LEPR: variants seen among roughly 807,000 people sequenced by gnomAD.
LEPR encodes the protein leptin receptor.
A neutral mutation model predicts 114.7 loss-of-function variants in LEPR; 56 were observed. The ratio of observed to expected loss-of-function variants is 0.49; its 90% CI spans 0.39 to 0.61. LEPR has a LOEUF of 0.61. Ranked by LOEUF, LEPR falls within the 20% of genes least tolerant of loss-of-function variation. The pLI is 0.00. For missense variants in LEPR, 1,202 were observed against 1,352.9 expected, an observed-to-expected ratio of 0.89 and a Z score of 1.75; for synonymous variants, 443 against 461.4, an observed-to-expected ratio of 0.96 and a Z score of 0.51.
intron 2 of LEPR, among the ~76,000 whole-genome samples, chr1:65,440,337 C>T (rs1010063507): frequency 1.3e-5 from 2 of 151,172 alleles, no homozygotes; most frequent in African/African-American, 2.4e-5. Context: ...ACAGACAAAA[C>T]CCCCAGCCCC....
At chr1:65,511,912 C>T (rs199912137) in intron 2 of LEPR, among the ~76,000 whole-genome samples, 1 of 152,108 alleles carries the variant, frequency 6.6e-6, no homozygotes. Context: ...AAAGAAATAC[C>T]TGAGACTGGG....
rs1394894844 is a variant in LEPR at position 65,633,866 on chromosome 1, A to C, written c.2674-2325A>C. On this transcript the variant is annotated intron_variant, in intron 19 of 19. Coordinates refer to ENST00000349533, the MANE Select transcript of LEPR (RefSeq NM_002303.6). This position sits in a 1 kb window ranked among gnomAD's most constrained non-coding sequence, Gnocchi z 4.1. Reference sequence around the variant, plus strand: ...TTTGTGCTGCCCACAGGACAGTGGGAGTTACAGTTCATATCAGGATGACCC... The same window carrying C: ...TTTGTGCTGCCCACAGGACAGTGGGCGTTACAGTTCATATCAGGATGACCC... 1.0e-6 allele frequency: 1 copy of C among 985,272 alleles called. No individual in the cohort carries two copies. The highest frequency in any genetic ancestry group is 1.2e-6 in the Non-Finnish European group (1 of 829,932). The allele number at this position is 985,272 out of a possible 1,614,324, so 61.0% of individuals were successfully genotyped here. A position where few individuals can be genotyped will look rare whatever the true frequency, so the allele number is the denominator to read the frequency against.
chr1:65,578,379 A>G (rs1654746723), intron 5 of LEPR: 1 of 218,324 alleles, frequency 4.6e-6, no homozygotes, highest in African/African-American at 2.3e-5. Context: ...GACACTTCCC[A>G]TAATAGACTT....
At chr1:65,628,596 G>A (rs1433982765) in intron 19 of LEPR, among the ~76,000 whole-genome samples, 1 of 152,068 alleles carries the variant, frequency 6.6e-6, no homozygotes, top group Non-Finnish European at 1.5e-5. Flanking sequence ...TGTGTTTTGA[G>A]CTCTCTCCAA....
intron 5 of LEPR, among the ~76,000 whole-genome samples, chr1:65,589,430 A>G (rs1655538025): frequency 6.6e-6 from 1 of 151,696 alleles, no homozygotes; most frequent in African/African-American, 2.4e-5. Flanking sequence ...ATAAAGTCTA[A>G]TTTATCAGTT....
intron 19 of LEPR, among the ~76,000 whole-genome samples, chr1:65,632,367 T>G (rs1658557484): frequency 6.6e-6 from 1 of 152,178 alleles, no homozygotes; most frequent in East Asian, 1.9e-4. Flanking sequence ...CAGTTTTGTT[T>G]ATTTTCTTGT....
intron 2 of LEPR, among the ~76,000 whole-genome samples, chr1:65,488,222 C>CTTTCTTTCTTTCTTTCTTTCTTTCTT (rs1284234824): frequency 6.2e-4 from 44 of 70,754 alleles, no homozygotes; most frequent in South Asian, 1.7e-3. Flanking sequence ...CTCTCTCTCT[C>CTTTCTTTCTTTCTTTCTTTCTTTCTT]TCTCTCTTTC....
chr1:65,451,215 C>T (rs1184866090), intron 2 of LEPR, among the ~76,000 whole-genome samples: 1 of 151,806 alleles, frequency 6.6e-6, no homozygotes, highest in African/African-American at 2.4e-5. Flanking sequence ...AATTTTCTCT[C>T]ATTTTGTAGG....
At chr1:65,548,020 T>C (rs1460164059) in intron 2 of LEPR, among the ~76,000 whole-genome samples, 4 of 151,762 alleles carry the variant, frequency 2.6e-5, no homozygotes, top group Non-Finnish European at 4.4e-5. Context: ...TTTGTTCTCG[T>C]TGGTTTCAAA....
intron 2 of LEPR, among the ~76,000 whole-genome samples, chr1:65,463,766 T>G (rs1271198036): frequency 6.6e-6 from 1 of 152,182 alleles, no homozygotes; most frequent in African/African-American, 2.4e-5. Context: ...TTCCTAGGTA[T>G]TTTATCCTCT....
chr1:65,474,416 C>G (rs1366249624), intron 2 of LEPR, among the ~76,000 whole-genome samples: 10 of 152,164 alleles, frequency 6.6e-5, no homozygotes, highest in African/African-American at 2.4e-4. Context: ...GAATTTAAAG[C>G]AATTATAAAA....
rs1398696239 is a variant in LEPR, at chr1:65,531,404, T to TTCCTTTCCTTTCC, written c.-20-34140_-20-34128dup. On this transcript the variant is annotated intron_variant, in intron 2 of 19. Transcript: ENST00000349533. ...TACCTTGTAATATATTCTTTTTCCT[T>TTCCTTTCCTTTCC]TCCTTTCCTTTCCTTTCCTCCTTTC... is the stretch of plus-strand genomic sequence containing the variant. Among the ~76,000 whole-genome samples the TTCCTTTCCTTTCC allele has an allele frequency of 1.6e-4, 25 of 151,968 alleles. 2 individuals carry two copies. The highest frequency in any genetic ancestry group is 5.8e-4 in the African/African-American group (24 of 41,432).
chr1:65,454,241 G>T (rs1385387948), intron 2 of LEPR, among the ~76,000 whole-genome samples: 1 of 152,132 alleles, frequency 6.6e-6, no homozygotes, highest in Non-Finnish European at 1.5e-5. Flanking sequence ...TATCCAATTT[G>T]CCAGTCTGTG....
chr1:65,600,629 C>G (rs1293650664), intron 8 of LEPR, among the ~76,000 whole-genome samples: 1 of 151,830 alleles, frequency 6.6e-6, no homozygotes, highest in African/African-American at 2.4e-5. Context: ...CTATGTAAAC[C>G]ATCATTTACT....
intron 1 of LEPR, among the ~76,000 whole-genome samples, chr1:65,424,155 CACA>C (rs148732209): frequency 0.036 from 5,497 of 152,216 alleles, 343 homozygotes; most frequent in African/African-American, 0.13. Context: ...CACTCAGCAG[CACA>C]ACAAGGGCAA....
chr1:65,537,499 T>G (rs551174010), intron 2 of LEPR, among the ~76,000 whole-genome samples: 21 of 152,278 alleles, frequency 1.4e-4, no homozygotes, highest in African/African-American at 4.8e-4. Context: ...GATACCATAG[T>G]AGAAGATAAT....
rs1553152226 is a variant in LEPR, at chr1:65,438,134, T to TTTC, written c.-21+12756_-21+12757insTTC. Among the ~76,000 whole-genome samples, 8 of 149,580 alleles carry TTTC rather than the reference T, an allele frequency of 5.3e-5. 1 individual carries two copies. Among genetic ancestry groups the TTTC allele is most frequent in the South Asian group, 4.3e-4 (2 of 4,702 alleles). The stretch of plus-strand genomic sequence containing the variant: ...CCGCCTTTTTTTTTTTTTTTTTTTT[T>TTTC]CAAAAAATATTCCAACTGAGGTTTG... On this transcript the variant is annotated intron_variant, in intron 2 of 19. Coordinates refer to ENST00000349533, the MANE Select transcript of LEPR (RefSeq NM_002303.6).
chr1:65,639,986 A>G lies in LEPR; in HGVS notation c.*2971A>G, dbSNP rs531283050. The G allele has an allele frequency of 6.6e-6, 1 of 152,254 alleles. No homozygotes were observed. Among genetic ancestry groups the G allele is most frequent in the South Asian group, 2.1e-4 (1 of 4,828 alleles). The allele number at this position is 152,254 out of a possible 1,614,324, so 9.4% of individuals were successfully genotyped here. A position where few individuals can be genotyped will look rare whatever the true frequency, so the allele number is the denominator to read the frequency against. ...TTTTTTCTTTTTAAACCTAGTCACCAAATGGTAAAAGGACTTGGATGAAAT... is the reference window on the plus strand; with the variant it reads ...TTTTTTCTTTTTAAACCTAGTCACCGAATGGTAAAAGGACTTGGATGAAAT... On this transcript the variant is annotated 3_prime_UTR_variant, in exon 20 of 20. Transcript: ENST00000349533.
At chr1:65,626,267 A>G in intron 19 of LEPR, 1 of 1,326,784 alleles carries the variant, frequency 7.5e-7, no homozygotes, top group Non-Finnish European at 9.7e-7. Context: ...CCTTATATAC[A>G]AGTAGATTGA....
Sources: allele counts gnomAD v4.1 joint callset (sites outside exome capture counted in the v4.1 genomes callset), GRCh38; gene constraint gnomAD v4.1.1; non-coding constraint Gnocchi (gnomAD v3.1); transcripts MANE v1.5; gene names NCBI Gene and HGNC (gene_info 2026-07-23, HGNC 2026-07-21).